The following GATA3 variants were observed in gnomAD, a reference collection of about 807,000 sequenced individuals.
GATA3 encodes trans-acting T-cell-specific transcription factor GATA-3.
A neutral mutation model predicts 36.0 loss-of-function variants in GATA3; 6 were observed. That is an observed-to-expected ratio of 0.17 (90% CI 0.09 to 0.33). The LOEUF (loss-of-function observed/expected upper bound fraction) is 0.33. GATA3 is among the 10% of genes least tolerant of loss of function. The pLI is 1.00. For synonymous variants in GATA3, 326 were observed against 273.0 expected (o/e 1.19, Z -1.92); for missense variants, 514 against 610.1 (o/e 0.84, Z 1.66).
intron 4 of GATA3, among the ~76,000 whole-genome samples, chr10:8,068,872 A>G (rs1231517822): frequency 1.3e-5 from 2 of 152,256 alleles, no homozygotes; most frequent in Non-Finnish European, 2.9e-5. Flanking sequence ...ACACTTGCAC[A>G]GACATTCTTT....
intron 5 of GATA3, among the ~76,000 whole-genome samples, chr10:8,073,269 G>A (rs1832960156): frequency 6.6e-6 from 1 of 150,498 alleles, no homozygotes; most frequent in Non-Finnish European, 1.5e-5. Flanking sequence ...CCAGGTAGAA[G>A]AGAGGCAACC....
chr10:8,067,891 C>G (rs1236251312), intron 4 of GATA3, among the ~76,000 whole-genome samples: 1 of 152,176 alleles, frequency 6.6e-6, no homozygotes, highest in Non-Finnish European at 1.5e-5. Context: ...CCCTATAGTT[C>G]TTGTTCTGTG....
intron 1 of GATA3, among the ~76,000 whole-genome samples, chr10:8,046,599 TC>T (rs1832390593): frequency 6.6e-6 from 1 of 151,290 alleles, no homozygotes; most frequent in Admixed American, 6.6e-5. Flanking sequence ...GCAGGTTGAG[TC>T]CATCCAGGCA....
intron 4 of GATA3, among the ~76,000 whole-genome samples, chr10:8,067,620 C>T (rs10905281): frequency 2.0e-5 from 3 of 152,000 alleles, no homozygotes; most frequent in Non-Finnish European, 4.4e-5. Flanking sequence ...AGATAGAGAC[C>T]ATCCTGGCTA....
At chr10:8,064,374 C>T (rs1489922139) in intron 4 of GATA3, among the ~76,000 whole-genome samples, 2 of 142,584 alleles carry the variant, frequency 1.4e-5, no homozygotes, top group African/African-American at 5.2e-5. Flanking sequence ...TTTTCCCCAT[C>T]CATGTTTCTT....
chr10:8,067,838 CAAAACAA>C (rs11567924), intron 4 of GATA3, among the ~76,000 whole-genome samples: 121,295 of 150,694 alleles, frequency 0.8, 48,893 homozygotes, highest in East Asian at 0.96. Flanking sequence ...GAAAACATAA[CAAAACAA>C]AAAACAAAAA....
rs1156787091 is a variant in GATA3 at position 8,075,102 on chromosome 10, G to A, written c.*1079G>A. The A allele has an allele frequency of 5.2e-5, 12 of 232,850 alleles. No individual in the cohort carries two copies. Among genetic ancestry groups the A allele is most frequent in the Admixed American group, 3.9e-4 (7 of 17,764 alleles). 14.4% of individuals were successfully genotyped at this position (232,850 alleles called of 1,614,324 possible). ...CTGCAATCGGCCCGGCTGCCTCTTC[G>A]CCCTGTCGTGTTCTGTGTTAGTGAT... is the stretch of plus-strand genomic sequence containing the variant. On this transcript the variant is annotated 3_prime_UTR_variant, in exon 6 of 6. Transcript: ENST00000379328.
upstream of GATA3, among the ~76,000 whole-genome samples, chr10:8,052,072 A>G (rs1331600474): frequency 6.6e-6 from 1 of 152,116 alleles, no homozygotes; most frequent in Non-Finnish European, 1.5e-5. Flanking sequence ...GCGGGCCATC[A>G]AAAGAGCAAC....
chr10:8,062,361 AT>A (rs55716625), intron 3 of GATA3, among the ~76,000 whole-genome samples: 74,319 of 142,644 alleles, frequency 0.52, 18,957 homozygotes, highest in South Asian at 0.67. Flanking sequence ...TTACATCCTC[AT>A]TTTTTTTTTT....
intron 4 of GATA3, among the ~76,000 whole-genome samples, 170 bp downstream of exon 4, chr10:8,064,308 C>CTTTTTTTTTTTTTTTT (rs1315616378): frequency 2.6e-5 from 3 of 114,132 alleles, no homozygotes; most frequent in African/African-American, 3.6e-5. Context: ...TTTTCTTCTT[C>CTTTTTTTTTTTTTTTT]TTCTTTTTTT....
chr10:8,050,802 C>T (rs1832465584), upstream of GATA3: 1 of 392,896 alleles, frequency 2.5e-6, no homozygotes. Flanking sequence ...AGTAAACACG[C>T]TCAAATGACC....
upstream of GATA3, among the ~76,000 whole-genome samples, chr10:8,048,680 T>G (rs1481069759): frequency 2.0e-5 from 3 of 152,060 alleles, no homozygotes; most frequent in Admixed American, 1.3e-4. Flanking sequence ...CCAGGGTGAC[T>G]CCAATTCCTT....
upstream of GATA3, chr10:8,051,030 G>A (rs757391863): frequency 1.9e-6 from 1 of 523,398 alleles, no homozygotes; most frequent in Non-Finnish European, 3.9e-6. Flanking sequence ...CGCGCCCTGG[G>A]TCTGTAGCCC....
intron 2 of GATA3, among the ~76,000 whole-genome samples, chr10:8,057,003 G>A (rs147249912): frequency 6.6e-6 from 1 of 152,298 alleles, no homozygotes; most frequent in East Asian, 1.9e-4. Context: ...GGCAGCAGGC[G>A]TCCTCTACCC....
chr10:8,072,863 T>C (rs1419994166), intron 5 of GATA3, among the ~76,000 whole-genome samples: 1 of 152,144 alleles, frequency 6.6e-6, no homozygotes, highest in African/African-American at 2.4e-5. Context: ...AGATCACTTT[T>C]GGGCCAGGCG....
At chr10:8,072,054 G>C (rs1832938827) in intron 5 of GATA3, among the ~76,000 whole-genome samples, 2 of 152,162 alleles carry the variant, frequency 1.3e-5, no homozygotes, top group Non-Finnish European at 2.9e-5. Flanking sequence ...CTTTGAAGAA[G>C]GAACCTGGAG....
chr10:8,048,202 T>C (rs954795804), intron 1 of GATA3, among the ~76,000 whole-genome samples: 3 of 151,956 alleles, frequency 2.0e-5, no homozygotes, highest in Non-Finnish European at 4.4e-5. Flanking sequence ...AGGCCAGCGC[T>C]GGGGGTTGGG....
chr10:8,049,835 T>A (rs1244183), upstream of GATA3, among the ~76,000 whole-genome samples: 2 of 151,998 alleles, frequency 1.3e-5, no homozygotes, highest in Admixed American at 6.5e-5. Flanking sequence ...GAAGGAAATA[T>A]GGACATGGTT....
chr10:8,056,538 G>A (rs1310894419), intron 2 of GATA3, among the ~76,000 whole-genome samples: 1 of 151,908 alleles, frequency 6.6e-6, no homozygotes, highest in South Asian at 2.1e-4. Context: ...ATGCTGAAGG[G>A]GTTTGGGGGG....
Sources: gnomAD v4.1 joint callset for allele counts (sites outside exome capture counted in the v4.1 genomes callset) on GRCh38, gnomAD v4.1.1 for gene constraint, MANE v1.5 for transcripts, NCBI Gene and HGNC (gene_info 2026-07-23, HGNC 2026-07-21) for gene names.